Variants in LUZP2 observed in about 807,000 individuals in gnomAD.
LUZP2 encodes leucine zipper protein 2.
Under a neutral mutation model 51.6 loss-of-function variants are expected in LUZP2, and 52 were observed. The ratio of observed to expected loss-of-function variants is 1.01; its 90% CI spans 0.81 to 1.27. LUZP2 has a LOEUF of 1.27. Among genes scored for constraint, LUZP2 ranks in the 50% most tolerant of loss-of-function variants. The pLI, the probability that LUZP2 is intolerant of heterozygous loss-of-function variation, is 0.00. For missense variants in LUZP2, 436 were observed against 395.4 expected (o/e 1.10, Z -0.87); for synonymous variants, 154 against 137.3 (o/e 1.12, Z -0.85).
At chr11:24,670,697 A>T (rs1856375900) in intron 1 of LUZP2, among the ~76,000 whole-genome samples, 1 of 151,952 alleles carries the variant, frequency 6.6e-6, no homozygotes, top group Admixed American at 6.6e-5. Flanking sequence ...AAACTCTATT[A>T]ACTTATATGT....
At chr11:24,740,146 A>G (rs1248827626) in intron 4 of LUZP2, among the ~76,000 whole-genome samples, 2 of 152,164 alleles carry the variant, frequency 1.3e-5, no homozygotes, top group African/African-American at 4.8e-5. Context: ...TCTGGTTCTC[A>G]TAATAAAACT....
At chr11:24,860,066 C>T (rs1851692248) in intron 5 of LUZP2, among the ~76,000 whole-genome samples, 1 of 152,196 alleles carries the variant, frequency 6.6e-6, no homozygotes, top group South Asian at 2.1e-4. Flanking sequence ...GGAAGGGCAG[C>T]ACCCATCTCT....
rs758686438 is a variant in LUZP2 at position 24,865,724 on chromosome 11, ATATGTGTG to A, written c.397-40265_397-40258del. Reference sequence around the variant, plus strand: ...TATATGTTTGTGTATATATATATATATATGTGTGTGTGTGTGTGTGTATATATATTTAT... The same window carrying A: ...TATATGTTTGTGTATATATATATATATGTGTGTGTGTGTATATATATTTAT... On this transcript the variant is annotated intron_variant, in intron 5 of 11. Coordinates refer to ENST00000336930, the MANE Select transcript of LUZP2 (RefSeq NM_001009909.4). Among the ~76,000 whole-genome samples, 1,240 of 136,276 alleles carry A rather than the reference ATATGTGTG, an allele frequency of 9.1e-3. 19 individuals carry two copies. The highest frequency in any genetic ancestry group is 0.033 in the Middle Eastern group (9 of 270). The allele number at this position is 136,276 out of a possible 152,430, so 89.4% of individuals were successfully genotyped here.
chr11:24,929,065 G>GT (rs1445477733), intron 7 of LUZP2, among the ~76,000 whole-genome samples: 1 of 151,856 alleles, frequency 6.6e-6, no homozygotes, highest in Non-Finnish European at 1.5e-5. Context: ...TATTTCTGTG[G>GT]TATCAGTTAT....
intron 7 of LUZP2, among the ~76,000 whole-genome samples, chr11:24,921,197 T>TCCCCCAGAAAGAAGAAAGAAGAAA (rs1854042008): frequency 1.3e-5 from 2 of 151,912 alleles, no homozygotes; most frequent in South Asian, 4.2e-4. Context: ...AGCTCCCCCA[T>TCCCCCAGAAAGAAGAAAGAAGAAA]ACAGAGACAG....
chr11:24,913,620 C>T (rs1853704634), intron 6 of LUZP2, among the ~76,000 whole-genome samples: 1 of 151,668 alleles, frequency 6.6e-6, no homozygotes, highest in Admixed American at 6.6e-5. Context: ...CACTCAAATA[C>T]ATTTTAAGTA....
intron 1 of LUZP2, among the ~76,000 whole-genome samples, chr11:24,699,543 A>G (rs1244110673): frequency 6.6e-6 from 1 of 151,938 alleles, no homozygotes; most frequent in Admixed American, 6.6e-5. Context: ...GATGAGATAA[A>G]CAAGGAAAGC....
At chr11:24,512,137 G>T (rs1332157624) in intron 1 of LUZP2, among the ~76,000 whole-genome samples, 3 of 152,176 alleles carry the variant, frequency 2.0e-5, no homozygotes, top group African/African-American at 4.8e-5. Context: ...GGGCTGAACA[G>T]GGGAAGAAGT....
chr11:24,812,401 T>C (rs1259086204), intron 5 of LUZP2, among the ~76,000 whole-genome samples: 1 of 152,184 alleles, frequency 6.6e-6, no homozygotes, highest in African/African-American at 2.4e-5. Flanking sequence ...GCTCATTGTT[T>C]ACTAGTAAAT....
At chr11:24,685,302 T>C (rs1313710021) in intron 1 of LUZP2, among the ~76,000 whole-genome samples, 1 of 152,054 alleles carries the variant, frequency 6.6e-6, no homozygotes, top group Non-Finnish European at 1.5e-5. Context: ...CTGAGATGAA[T>C]TCTAGGGGCA....
chr11:24,844,307 T>C (rs1417638018), intron 5 of LUZP2, among the ~76,000 whole-genome samples: 1 of 152,130 alleles, frequency 6.6e-6, no homozygotes, highest in Non-Finnish European at 1.5e-5. Context: ...ACTGGCAGCA[T>C]TTTGCCCCTG....
intron 1 of LUZP2, among the ~76,000 whole-genome samples, chr11:24,541,479 C>T (rs1014254370): frequency 1.3e-5 from 2 of 152,002 alleles, no homozygotes; most frequent in Non-Finnish European, 2.9e-5. Flanking sequence ...GTGAGAACAT[C>T]CTTGGGGCTG....
intron 5 of LUZP2, among the ~76,000 whole-genome samples, chr11:24,803,569 A>T (rs2134120903): frequency 6.6e-6 from 1 of 152,206 alleles, no homozygotes; most frequent in East Asian, 1.9e-4. Flanking sequence ...CTAAAATGGG[A>T]AAACAACCCA....
chr11:24,681,138 C>T (rs1242240699), intron 1 of LUZP2, among the ~76,000 whole-genome samples: 4 of 151,948 alleles, frequency 2.6e-5, no homozygotes, highest in South Asian at 2.1e-4. Flanking sequence ...CCCGCCACCG[C>T]GCCCAGCTAA....
At chr11:25,041,122 A>G (rs1858041525) in intron 9 of LUZP2, among the ~76,000 whole-genome samples, 1 of 152,030 alleles carries the variant, frequency 6.6e-6, no homozygotes, top group African/African-American at 2.4e-5. Flanking sequence ...TCATGGTTTC[A>G]AGTGGCACAG....
intron 4 of LUZP2, among the ~76,000 whole-genome samples, chr11:24,753,068 G>C (rs935333916): frequency 6.6e-6 from 1 of 151,738 alleles, no homozygotes; most frequent in Non-Finnish European, 1.5e-5. Context: ...CTATATACTC[G>C]CAAACAAAAT....
intron 9 of LUZP2, among the ~76,000 whole-genome samples, chr11:25,027,670 G>T (rs972668642): frequency 3.3e-5 from 5 of 152,106 alleles, no homozygotes; most frequent in East Asian, 3.9e-4. Context: ...AGGAGGTCAA[G>T]ATCAGCCTGG....
At chr11:24,821,686 C>T (rs1165904489) in intron 5 of LUZP2, among the ~76,000 whole-genome samples, 4 of 151,996 alleles carry the variant, frequency 2.6e-5, no homozygotes, top group Non-Finnish European at 5.9e-5. Flanking sequence ...AGACTTTCTT[C>T]TTGCACATTT....
At chr11:24,921,852 T>C in intron 7 of LUZP2, among the ~76,000 whole-genome samples, 1 of 152,168 alleles carries the variant, frequency 6.6e-6, no homozygotes, top group Admixed American at 6.5e-5. Flanking sequence ...CGTATATATT[T>C]AGCGTTTTTA....
Sources: gnomAD v4.1 joint callset for allele counts (sites outside exome capture counted in the v4.1 genomes callset) on GRCh38, gnomAD v4.1.1 for gene constraint, MANE v1.5 for transcripts, NCBI Gene and HGNC (gene_info 2026-07-23, HGNC 2026-07-21) for gene names.